Variants in NLRP11 observed in about 807,000 individuals in gnomAD.
NLRP11 encodes the protein NACHT, LRR and PYD domains-containing protein 11.
Under a neutral mutation model 79.3 loss-of-function variants are expected in NLRP11, and 53 were observed. That is an observed-to-expected ratio of 0.67 (90% CI 0.54 to 0.84). The LOEUF is 0.84. Ranked by LOEUF, NLRP11 falls within the 40% of genes least tolerant of loss-of-function variation. The probability of loss-of-function intolerance (pLI) is 0.00; values close to 1 mark genes in which losing one functional copy is unlikely to be tolerated. For synonymous variants in NLRP11, 518 were observed against 462.6 expected, an observed-to-expected ratio of 1.12 and a Z score of -1.54; for missense variants, 1,264 against 1,255.0, an observed-to-expected ratio of 1.01 and a Z score of -0.11.
At chr19:55,799,532 T>G (rs1979266139) in intron 5 of NLRP11, among the ~76,000 whole-genome samples, 2 of 151,316 alleles carry the variant, frequency 1.3e-5, no homozygotes, top group South Asian at 2.1e-4. Context: ...AAGAGGAAAA[T>G]GTGTTCCAAG....
chr19:55,828,323 A>G (rs201005437), intron 1 of NLRP11, among the ~76,000 whole-genome samples: 12,255 of 150,066 alleles, frequency 0.082, 732 homozygotes, highest in East Asian at 0.22. Context: ...GCTAGATGAC[A>G]AGTTAGTGGG....
At chr19:55,815,390 G>A (rs1444754737) in intron 2 of NLRP11, among the ~76,000 whole-genome samples, 2 of 151,820 alleles carry the variant, frequency 1.3e-5, no homozygotes, top group African/African-American at 4.8e-5. Flanking sequence ...TGAGCCGGGT[G>A]TGGTGGTGGG....
chr19:55,786,521 GAA>G (rs57523493), intron 9 of NLRP11, among the ~76,000 whole-genome samples: 2,859 of 146,144 alleles, frequency 0.02, 29 homozygotes, highest in Middle Eastern at 0.066. Flanking sequence ...ACCCTAACTA[GAA>G]AAAAAAAAAA....
At chr19:55,808,991 G>A (rs374796362) in exon 3 of NLRP11, 32 of 1,613,894 alleles carry the variant, frequency 2.0e-5, no homozygotes, top group Admixed American at 3.3e-5. Flanking sequence ...CATATGGTGC[G>A]TCAACTTTTC....
exon 3 of NLRP11, chr19:55,810,113 G>A (rs1980457631): frequency 6.2e-7 from 1 of 1,614,004 alleles, no homozygotes; most frequent in Non-Finnish European, 8.5e-7. Context: ...CCTCAACACA[G>A]CCAGATTTAT....
intron 9 of NLRP11, among the ~76,000 whole-genome samples, chr19:55,788,475 T>C (rs1990018757): frequency 6.6e-6 from 1 of 151,124 alleles, no homozygotes; most frequent in Admixed American, 6.6e-5. Context: ...GCGCGGTGGC[T>C]CACGCCTATA....
At chr19:55,817,837 A>AAT in intron 2 of NLRP11, 67 bp downstream of exon 2, 2 of 1,214,224 alleles carry the variant, frequency 1.6e-6, no homozygotes, top group Non-Finnish European at 2.3e-6. Flanking sequence ...AAAAAAAAAA[A>AAT]GGCCCAACAC....
rs1257327728 is a variant in NLRP11 at position 55,823,308 on chromosome 19, G to A, written c.-62-5072C>T. Reference sequence around the variant, plus strand: ...CAAAAGTAGATAAAACCACAAAGATGGGGAAAAAACAGAACAGAAAAACTG... The same window carrying A: ...CAAAAGTAGATAAAACCACAAAGATAGGGAAAAAACAGAACAGAAAAACTG... On this transcript the variant is annotated intron_variant, in intron 1 of 9. Transcript: ENST00000589093. Among the ~76,000 whole-genome samples, 2 of 134,976 alleles carry A rather than the reference G, an allele frequency of 1.5e-5. 1 individual carries two copies. The highest frequency in any genetic ancestry group is 4.6e-4 in the East Asian group (2 of 4,374). 88.5% of individuals were successfully genotyped at this position (134,976 alleles called of 152,430 possible). A position where few individuals can be genotyped will look rare whatever the true frequency, so the allele number is the denominator to read the frequency against.
intron 1 of NLRP11, among the ~76,000 whole-genome samples, chr19:55,822,564 C>T (rs1045325182): frequency 7.9e-5 from 12 of 151,974 alleles, no homozygotes; most frequent in Admixed American, 1.3e-4. Context: ...GCGCACCGTG[C>T]GCGAGCCGAA....
At chr19:55,811,410 A>C (rs1012089494) in intron 2 of NLRP11, among the ~76,000 whole-genome samples, 3 of 152,180 alleles carry the variant, frequency 2.0e-5, no homozygotes, top group Admixed American at 6.5e-5. Flanking sequence ...AGGGCAGGCA[A>C]AAGAGGGAGC....
At chr19:55,815,675 G>A (rs1041077093) in intron 2 of NLRP11, among the ~76,000 whole-genome samples, 7 of 152,202 alleles carry the variant, frequency 4.6e-5, no homozygotes, top group Middle Eastern at 3.4e-3. Flanking sequence ...AGAGTATTAC[G>A]TCCAGTAAAG....
intron 4 of NLRP11, among the ~76,000 whole-genome samples, chr19:55,802,378 G>A (rs1028244624): frequency 6.6e-6 from 1 of 152,066 alleles, no homozygotes; most frequent in Non-Finnish European, 1.5e-5. Context: ...ATACACCAAC[G>A]ACAGCCAAGC....
intron 4 of NLRP11, among the ~76,000 whole-genome samples, 179 bp downstream of exon 4, chr19:55,807,674 G>A (rs530472332): frequency 1.3e-5 from 2 of 152,254 alleles, no homozygotes; most frequent in South Asian, 4.1e-4. Context: ...ATGCTACTGT[G>A]GCCTAAGGTC....
At chr19:55,798,165 A>C (rs1979127129) in intron 5 of NLRP11, 1 of 168,602 alleles carries the variant, frequency 5.9e-6, no homozygotes, top group Admixed American at 6.6e-5. Flanking sequence ...ATACTTGGAT[A>C]ATTTTGCATT....
intron 9 of NLRP11, among the ~76,000 whole-genome samples, 168 bp downstream of exon 9, chr19:55,788,639 C>G (rs1240621427): frequency 7.0e-6 from 1 of 142,200 alleles, no homozygotes; most frequent in Non-Finnish European, 1.5e-5. Context: ...ACTCAGGAGG[C>G]TGAGGAAGGA....
rs1423650486 is a variant in NLRP11, at chr19:55,809,977, C to G, written c.633G>C (p.Gln211His). The G allele has an allele frequency of 3.1e-6, 5 of 1,614,204 alleles. No homozygotes were observed. The South Asian group carries it at 5.5e-5, about 18-fold the overall frequency. Residue 211 changes from glutamine to histidine, a missense_variant, in exon 3 of 10, where the codon CAG (glutamine) becomes CAC (histidine). By Grantham distance (24) the Gln-to-His change is conservative (BLOSUM62 0). Transcript: ENST00000589093. This position sits in a 1 kb window ranked among gnomAD's most constrained non-coding sequence, Gnocchi z 4.5. Reference sequence around the variant, plus strand: ...CAGACAGGATGTCTGCAATGGGAGCCTGGCCGTCAGGCCAGTCCTTGGCGA... The same window carrying G: ...CAGACAGGATGTCTGCAATGGGAGCGTGGCCGTCAGGCCAGTCCTTGGCGA...
At position 55,807,863 on chromosome 19, in the gene NLRP11, GAA is replaced by G. The variant is rs1980149357; in HGVS notation, c.1991_1992del (p.Leu664ProfsTer15). 6.2e-7 allele frequency: 1 copy of G among 1,610,006 alleles called. No homozygotes were observed. Among genetic ancestry groups the G allele is most frequent in the Non-Finnish European group, 8.5e-7 (1 of 1,177,546 alleles). The stretch of plus-strand genomic sequence containing the variant: ...TGATATAGTACTTACTTGAGTGTGC[GAA>G]GTTTACAGCTAGAATGCTCCAGGGC... On this transcript the variant is annotated frameshift_variant, in exon 4 of 10. Transcript: ENST00000589093. LOFTEE classifies it high-confidence loss of function.
At chr19:55,789,141 G>T in intron 8 of NLRP11, 88 bp downstream of exon 8, 1 of 1,424,080 alleles carries the variant, frequency 7.0e-7, no homozygotes, top group Non-Finnish European at 9.7e-7. Context: ...TATGTCCGAG[G>T]TATTGTATTT....
exon 5 of NLRP11, chr19:55,801,673 G>C: frequency 1.2e-6 from 2 of 1,613,852 alleles, no homozygotes; most frequent in African/African-American, 1.3e-5. Flanking sequence ...GGTATGTCAG[G>C]CTCCGATTAC....
Sources: gnomAD v4.1 joint callset for allele counts (sites outside exome capture counted in the v4.1 genomes callset) on GRCh38, gnomAD v4.1.1 for gene constraint, Gnocchi (gnomAD v3.1) non-coding constraint, MANE v1.5 for transcripts, NCBI Gene and HGNC (gene_info 2026-07-23, HGNC 2026-07-21) for gene names.